ATF7IP: variants seen among roughly 807,000 people sequenced by gnomAD.
ATF7IP encodes the protein activating transcription factor 7 interacting protein, also known as activating transcription factor 7-interacting protein 1.
In ATF7IP, 23 loss-of-function variants were observed where a neutral mutation model predicts 106.4. The ratio of observed to expected loss-of-function variants is 0.22; its 90% CI spans 0.16 to 0.31. The LOEUF (loss-of-function observed/expected upper bound fraction) is 0.31. Among genes scored for constraint, ATF7IP ranks in the 10% least tolerant of loss-of-function variants. The pLI is 1.00. For missense variants in ATF7IP, 1,334 were observed against 1,524.3 expected, an observed-to-expected ratio of 0.88 and a Z score of 2.08; for synonymous variants, 542 against 539.0, an observed-to-expected ratio of 1.01 and a Z score of -0.08.
chr12:14,426,961 C>T (rs1179787635), intron 2 of ATF7IP, among the ~76,000 whole-genome samples: 2 of 151,370 alleles, frequency 1.3e-5, no homozygotes, highest in African/African-American at 2.4e-5. Context: ...AGGATACACA[C>T]AAGAATTAAA....
rs966572242 is a variant in ATF7IP, at chr12:14,402,676, T to C, written c.-7-21233T>C. ...CTGGCTGAAGTGAAGTGGTGCGGTGTTGGCTCACTACAACCTCTGCCTCCT... is the reference window on the plus strand; with the variant it reads ...CTGGCTGAAGTGAAGTGGTGCGGTGCTGGCTCACTACAACCTCTGCCTCCT... On this transcript the variant is annotated intron_variant, in intron 1 of 14. Coordinates refer to ENST00000261168, the MANE Select transcript of ATF7IP (RefSeq NM_018179.5). Among the ~76,000 whole-genome samples, 6 of 151,846 alleles carry C rather than the reference T, an allele frequency of 4.0e-5. No homozygotes were observed. The East Asian group carries it at 9.6e-4, about 24-fold the overall frequency.
At chr12:14,435,491 T>G (rs1032436584) in intron 3 of ATF7IP, among the ~76,000 whole-genome samples, 1 of 152,224 alleles carries the variant, frequency 6.6e-6, no homozygotes, top group African/African-American at 2.4e-5. Flanking sequence ...TTGCTTATGA[T>G]CTCATGAATA....
chr12:14,500,979 C>T lies in ATF7IP; in HGVS notation c.*2906C>T, dbSNP rs1179156789. ...TATATTTATTATAAGATGGTGTCCT[C>T]AAATTAGCCTACCATGGCACGTAGG... On this transcript the variant is annotated 3_prime_UTR_variant, in exon 15 of 15. Coordinates refer to ENST00000261168, the MANE Select transcript of ATF7IP (RefSeq NM_018179.5). 1 of 152,144 alleles carries T rather than the reference C, an allele frequency of 6.6e-6. No homozygotes were observed. Among genetic ancestry groups the T allele is most frequent in the Non-Finnish European group, 1.5e-5 (1 of 68,016 alleles). 9.4% of individuals were successfully genotyped at this position (152,144 alleles called of 1,614,324 possible). A position where few individuals can be genotyped will look rare whatever the true frequency, so the allele number is the denominator to read the frequency against.
intron 13 of ATF7IP, among the ~76,000 whole-genome samples, chr12:14,485,641 T>TA (rs1944580596): frequency 1.3e-5 from 2 of 151,984 alleles, no homozygotes. Context: ...GGTAAGACAG[T>TA]AAAGGTATAT....
intron 13 of ATF7IP, among the ~76,000 whole-genome samples, chr12:14,484,425 T>C (rs1366611848): frequency 6.6e-6 from 1 of 152,208 alleles, no homozygotes; most frequent in East Asian, 1.9e-4. Context: ...CTTCATAGTT[T>C]TTGTTACAAC....
chr12:14,475,908 A>AGTG lies in ATF7IP; in HGVS notation c.2882_2884dup (p.Ser961_Asp962insGly). On this transcript the variant is annotated inframe_insertion, in exon 11 of 15. Coordinates refer to ENST00000261168, the MANE Select transcript of ATF7IP (RefSeq NM_018179.5). The stretch of plus-strand genomic sequence containing the variant: ...TTTTCAGTGTGGAAAAGCCACTGGC[A>AGTG]GTGATTCAAGTGGTGTCATTGATCT... The AGTG allele has an allele frequency of 5.6e-6, 9 of 1,613,078 alleles. No homozygotes were observed. In the South Asian group the frequency reaches 9.9e-5, roughly 18 times the overall value.
At chr12:14,440,429 C>A (rs975709878) in intron 5 of ATF7IP, among the ~76,000 whole-genome samples, 1 of 152,116 alleles carries the variant, frequency 6.6e-6, no homozygotes, top group Non-Finnish European at 1.5e-5. Flanking sequence ...ATTTTAATCT[C>A]TTAATTTTCA....
intron 1 of ATF7IP, among the ~76,000 whole-genome samples, chr12:14,382,725 A>G (rs1939049252): frequency 6.6e-6 from 1 of 152,216 alleles, no homozygotes; most frequent in African/African-American, 2.4e-5. Flanking sequence ...ACTGTGTTCT[A>G]TACTATGGAA....
chr12:14,468,025 G>C (rs1943895346), intron 10 of ATF7IP, among the ~76,000 whole-genome samples: 1 of 152,152 alleles, frequency 6.6e-6, no homozygotes, highest in East Asian at 1.9e-4. Context: ...CTAGCACTTT[G>C]GGAGGCCGAG....
chr12:14,391,438 G>A (rs1456001166), intron 1 of ATF7IP, among the ~76,000 whole-genome samples: 1 of 152,174 alleles, frequency 6.6e-6, no homozygotes, highest in East Asian at 1.9e-4. Context: ...GGCATACATA[G>A]TGGAAAACAT....
intron 1 of ATF7IP, among the ~76,000 whole-genome samples, chr12:14,388,587 TC>T (rs1289103624): frequency 2.0e-5 from 3 of 152,126 alleles, no homozygotes; most frequent in African/African-American, 7.2e-5. Flanking sequence ...CCTAAAGTGA[TC>T]CGCCTGCCTA....
In ATF7IP at chr12:14,460,915, C is replaced by A. The variant is rs377226980; in HGVS notation, c.2579C>A (p.Thr860Asn). Residue 860 changes from threonine (T) to asparagine (N), a missense_variant, in exon 9 of 15, where the codon ACT (threonine) becomes AAT (asparagine). Physicochemically the swap from Thr to Asn is moderately conservative, Grantham distance 65. This residue lies in a region of ATF7IP where 370 missense variants were observed against 401.2 expected (regional missense o/e 0.92). Transcript: ENST00000261168. Reference sequence around the variant, plus strand: ...AGTCCTAGTATTCAAAGGAACCCTACTGCCAGTGCTGCACCATTGGGAACA... The same window carrying A: ...AGTCCTAGTATTCAAAGGAACCCTAATGCCAGTGCTGCACCATTGGGAACA... The part of the protein sequence containing the change: ...VPSPSIQRNP[T>N]ASAAPLGTTL... 59 of 1,614,072 alleles carry A rather than the reference C, an allele frequency of 3.7e-5. No homozygotes were observed. The Admixed American group carries it at 3.8e-4, about 10-fold the overall frequency.
At position 14,464,430 on chromosome 12, in the gene ATF7IP, A is replaced by G. The variant is rs1943753314; in HGVS notation, c.2798-2096A>G. ...CGAAGTGTTTGCCTTTTTTCTGTTCATACAATTATCCAGAGCTACTAAGAG... is the reference window on the plus strand; with the variant it reads ...CGAAGTGTTTGCCTTTTTTCTGTTCGTACAATTATCCAGAGCTACTAAGAG... On this transcript the variant is annotated intron_variant, in intron 9 of 14. Coordinates refer to ENST00000261168, the MANE Select transcript of ATF7IP (RefSeq NM_018179.5). Among the ~76,000 whole-genome samples, 3 of 152,250 alleles carry G rather than the reference A, an allele frequency of 2.0e-5. No homozygotes were observed. In the South Asian group the frequency reaches 6.2e-4, roughly 32 times the overall value.
chr12:14,378,911 A>G (rs554924719), intron 1 of ATF7IP, among the ~76,000 whole-genome samples: 1 of 152,360 alleles, frequency 6.6e-6, no homozygotes, highest in African/African-American at 2.4e-5. Flanking sequence ...TTCCTCAGGT[A>G]TGGTGGCAGC....
intron 5 of ATF7IP, among the ~76,000 whole-genome samples, chr12:14,441,020 T>C (rs1048486767): frequency 2.6e-5 from 4 of 152,238 alleles, no homozygotes; most frequent in Admixed American, 2.0e-4. Context: ...TCAGCTATTG[T>C]GAATGATGCT....
At chr12:14,474,782 C>G (rs1326804540) in intron 10 of ATF7IP, among the ~76,000 whole-genome samples, 5 of 152,124 alleles carry the variant, frequency 3.3e-5, no homozygotes, top group African/African-American at 1.2e-4. Context: ...TTTGTATTGA[C>G]TTATTTTTTC....
intron 8 of ATF7IP, among the ~76,000 whole-genome samples, chr12:14,459,886 T>A (rs927504729): frequency 6.6e-6 from 1 of 152,234 alleles, no homozygotes; most frequent in African/African-American, 2.4e-5. Context: ...AATTCATCTG[T>A]CATCTTCGCT....
chr12:14,393,580 C>T (rs758464624), intron 1 of ATF7IP, among the ~76,000 whole-genome samples: 42 of 151,932 alleles, frequency 2.8e-4, no homozygotes, highest in Non-Finnish European at 5.6e-4. Context: ...TTTATGCGTC[C>T]CCTCATTTAT....
intron 1 of ATF7IP, among the ~76,000 whole-genome samples, chr12:14,395,417 G>C (rs1939783886): frequency 1.3e-5 from 2 of 152,044 alleles, no homozygotes; most frequent in African/African-American, 4.8e-5. Flanking sequence ...GCCACATTTG[G>C]ATTTGGTATT....
Sources: gnomAD v4.1 joint callset for allele counts (sites outside exome capture counted in the v4.1 genomes callset) on GRCh38, gnomAD v4.1.1 for gene constraint, gnomAD v4.1.1 regional missense constraint, MANE v1.5 for transcripts, NCBI Gene and HGNC (gene_info 2026-07-23, HGNC 2026-07-21) for gene names.